Variants in LIMCH1 observed in about 807,000 individuals in gnomAD.
LIMCH1 encodes LIM and calponin homology domains-containing protein 1.
LIMCH1 carries 113 observed loss-of-function variants against 176.5 expected under a neutral mutation model. The observed-to-expected ratio is 0.64, with a 90% confidence interval of 0.55 to 0.75. The LOEUF is 0.75. LIMCH1 is among the 30% of genes least tolerant of loss of function. The pLI is 0.00. For synonymous variants in LIMCH1, 619 were observed against 645.9 expected (o/e 0.96, Z 0.63); for missense variants, 1,674 against 1,814.9 (o/e 0.92, Z 1.41).
At chr4:41,401,838 G>C (rs2058472900) in intron 1 of LIMCH1, among the ~76,000 whole-genome samples, 1 of 152,150 alleles carries the variant, frequency 6.6e-6, no homozygotes, top group Non-Finnish European at 1.5e-5. Flanking sequence ...CTGTTTGTCT[G>C]TTATTGGTGT....
chr4:41,547,529 T>C (rs1363506747), intron 1 of LIMCH1, among the ~76,000 whole-genome samples: 1 of 150,938 alleles, frequency 6.6e-6, no homozygotes, highest in Non-Finnish European at 1.5e-5. Context: ...AAGTTTCGCA[T>C]TTTTTCATCT....
In LIMCH1 at chr4:41,633,017, A is replaced by G. The variant is rs7657178; in HGVS notation, c.1761A>G (p.Thr587=). 144,644 of 1,535,682 alleles carry G rather than the reference A, an allele frequency of 0.094. 15,741 individuals are homozygous for G. The highest frequency in any genetic ancestry group is 0.56 in the African/African-American group (40,564 of 72,994). Residue 587 remains threonine (T), a synonymous_variant, in exon 12 of 32, where the codon ACA becomes ACG. Transcript: ENST00000503057. ...TGCCACAGGATGGCAAAGAAGAAAC[A>G]GAAAGCGCTCCAAGAGATTCTGAGA... ...KQLPQDGKEE[T]ESAPRDSERL...
At chr4:41,661,566 A>G in intron 19 of LIMCH1, 56 bp downstream of exon 19, 1 of 1,234,530 alleles carries the variant, frequency 8.1e-7, no homozygotes, top group South Asian at 1.3e-5. Context: ...TTTAAGATGT[A>G]ATGGAAATAG....
intron 7 of LIMCH1, among the ~76,000 whole-genome samples, chr4:41,621,251 A>G (rs1448100827): frequency 6.6e-6 from 1 of 152,176 alleles, no homozygotes; most frequent in Admixed American, 6.5e-5. Flanking sequence ...CTTCTCTTTA[A>G]TTGTAACAAA....
At chr4:41,685,031 G>T (rs1305004022) in intron 27 of LIMCH1, among the ~76,000 whole-genome samples, 1 of 152,146 alleles carries the variant, frequency 6.6e-6, no homozygotes, top group Non-Finnish European at 1.5e-5. Context: ...CATGCCGAGG[G>T]TCTTCAGGAT....
At chr4:41,629,803 T>C in intron 9 of LIMCH1, 69 bp downstream of exon 9, 2 of 1,449,514 alleles carry the variant, frequency 1.4e-6, no homozygotes, top group African/African-American at 1.4e-5. Flanking sequence ...CATCAAATGC[T>C]TATCTTTGTG....
intron 1 of LIMCH1, among the ~76,000 whole-genome samples, chr4:41,436,156 G>C (rs4861110): frequency 0.2 from 30,481 of 152,092 alleles, 3,555 homozygotes; most frequent in South Asian, 0.32. Flanking sequence ...TTGTAAATTA[G>C]GAGGCCAGGA....
At chr4:41,524,543 G>A (rs1319976421) in intron 3 of LIMCH1, 16 of 1,172,892 alleles carry the variant, frequency 1.4e-5, no homozygotes, top group Non-Finnish European at 1.9e-5. Context: ...GGTCATGACA[G>A]CACCATTTAT....
At chr4:41,639,579 G>A (rs1051375493) in intron 14 of LIMCH1, among the ~76,000 whole-genome samples, 4 of 152,110 alleles carry the variant, frequency 2.6e-5, no homozygotes, top group African/African-American at 7.2e-5. Context: ...ACCAAGCAGA[G>A]GTTCATTCCT....
intron 1 of LIMCH1, among the ~76,000 whole-genome samples, chr4:41,428,810 AAG>A (rs111403755): frequency 0.025 from 3,753 of 152,246 alleles, 159 homozygotes; most frequent in African/African-American, 0.084. Flanking sequence ...AGTGAGTGAG[AAG>A]AGAGAGCATC....
intron 23 of LIMCH1, among the ~76,000 whole-genome samples, chr4:41,679,093 T>C (rs1713542097): frequency 6.6e-6 from 1 of 152,162 alleles, no homozygotes; most frequent in Non-Finnish European, 1.5e-5. Flanking sequence ...CTGGAGGAAA[T>C]CTCAGTGGCT....
At chr4:41,492,079 C>G (rs547941691) in intron 1 of LIMCH1, among the ~76,000 whole-genome samples, 1 of 152,152 alleles carries the variant, frequency 6.6e-6, no homozygotes, top group African/African-American at 2.4e-5. Context: ...TGTAGCCAGC[C>G]GAGATCACGC....
chr4:41,690,900 C>T (rs1014270439), intron 30 of LIMCH1, among the ~76,000 whole-genome samples: 29 of 152,070 alleles, frequency 1.9e-4, no homozygotes, highest in Non-Finnish European at 3.2e-4. Flanking sequence ...AAAGATTAAC[C>T]TAGATAATGT....
At chr4:41,646,422 A>G (rs1003841976) in intron 16 of LIMCH1, 63 bp from the exon 17 acceptor site, 125 of 1,568,442 alleles carry the variant, frequency 8.0e-5, no homozygotes, top group Non-Finnish European at 1.8e-5. Context: ...CTTCGTTTCT[A>G]CCAAGGTCTT....
At chr4:41,446,431 A>C (rs2063300605) in intron 1 of LIMCH1, among the ~76,000 whole-genome samples, 1 of 152,210 alleles carries the variant, frequency 6.6e-6, no homozygotes, top group South Asian at 2.1e-4. Flanking sequence ...TCACAAATAT[A>C]CGTAGTTAAT....
chr4:41,440,744 C>T (rs2062614616), intron 1 of LIMCH1, among the ~76,000 whole-genome samples: 1 of 152,036 alleles, frequency 6.6e-6, no homozygotes, highest in African/African-American at 2.4e-5. Context: ...TGTTGGCCAA[C>T]CTGGTCTCGA....
chr4:41,443,192 C>CTTTTTT (rs916559501), intron 1 of LIMCH1, among the ~76,000 whole-genome samples: 124 of 39,662 alleles, frequency 3.1e-3, no homozygotes, highest in Non-Finnish European at 4.4e-3. Context: ...TGTTTTTTTT[C>CTTTTTT]TTTTTTTTTT....
intron 2 of LIMCH1, among the ~76,000 whole-genome samples, chr4:41,601,468 G>GTCCAGGT (rs2089912425): frequency 6.6e-6 from 1 of 152,132 alleles, no homozygotes; most frequent in Non-Finnish European, 1.5e-5. Flanking sequence ...TCAGGACAGA[G>GTCCAGGT]AAAGAGCAGG....
At chr4:41,675,662 C>A (rs1001707391) in intron 22 of LIMCH1, among the ~76,000 whole-genome samples, 2 of 151,742 alleles carry the variant, frequency 1.3e-5, no homozygotes, top group Non-Finnish European at 1.5e-5. Flanking sequence ...CTTCCCCCCA[C>A]CCCCCACCTG....
Sources: gnomAD v4.1 joint callset for allele counts (sites outside exome capture counted in the v4.1 genomes callset) on GRCh38, gnomAD v4.1.1 for gene constraint, MANE v1.5 for transcripts, NCBI Gene and HGNC (gene_info 2026-07-23, HGNC 2026-07-21) for gene names.